ZNF718: variants seen among roughly 807,000 people sequenced by gnomAD.
ZNF718 encodes zinc finger protein 718.
A neutral mutation model predicts 2.6 loss-of-function variants in ZNF718; 3 were observed. That is an observed-to-expected ratio of 1.16 (90% CI 0.53 to 3.01). ZNF718 has a LOEUF of 3.01. ZNF718 is among the 30% of genes most tolerant of loss of function. ZNF718 has a pLI of 0.03. For missense variants in ZNF718, 468 were observed against 230.0 expected (o/e 2.03, Z -6.69); for synonymous variants, 135 against 77.9 (o/e 1.73, Z -3.86).
chr4:148,778 A>G (rs952504152), intron 3 of ZNF718, among the ~76,000 whole-genome samples: 10 of 152,172 alleles, frequency 6.6e-5, no homozygotes, highest in Non-Finnish European at 1.0e-4. Flanking sequence ...GATCACAGGC[A>G]GGACCAACAT....
chr4:182,495 A>G (rs1250871085), intron 3 of ZNF718, among the ~76,000 whole-genome samples: 1 of 151,986 alleles, frequency 6.6e-6, no homozygotes, highest in Non-Finnish European at 1.5e-5. Flanking sequence ...GTGCAGTGGC[A>G]TGATCTCGGT....
At chr4:145,567 A>T (rs1320854074) in intron 3 of ZNF718, among the ~76,000 whole-genome samples, 1 of 152,128 alleles carries the variant, frequency 6.6e-6, no homozygotes, top group Non-Finnish European at 1.5e-5. Flanking sequence ...GGCTCAAGCA[A>T]TCTTCCCACC....
chr4:182,402 TTATA>T lies in ZNF718; in HGVS notation c.227-18677_227-18674del, dbSNP rs782428343. Among the ~76,000 whole-genome samples the T allele has an allele frequency of 3.5e-3, 482 of 138,036 alleles. 1 individual carries two copies. The highest frequency in any genetic ancestry group is 4.3e-3 in the Admixed American group (55 of 12,754). 90.6% of individuals were successfully genotyped at this position (138,036 alleles called of 152,430 possible). ...ATCTCATTGTAGTTTTGATTTTGAT[TTATA>T]TTTATTTATTTATTTATTTATTTAT... is the stretch of plus-strand genomic sequence containing the variant. On this transcript the variant is annotated intron_variant and NMD_transcript_variant, in intron 3 of 4. Coordinates refer to the ZNF718 transcript ENST00000642529.
chr4:176,750 C>G (rs1368424286), intron 3 of ZNF718, among the ~76,000 whole-genome samples: 1 of 152,188 alleles, frequency 6.6e-6, no homozygotes, highest in African/African-American at 2.4e-5. Context: ...GAAAACCCTT[C>G]TCCCAGATAC....
rs781816741 is a variant in ZNF718, at chr4:162,064, T to G, written c.1379T>G (p.Phe460Cys). The G allele has an allele frequency of 3.4e-5, 26 of 775,856 alleles. No individual in the cohort carries two copies. The highest frequency in any genetic ancestry group is 5.8e-5 in the Non-Finnish European group (24 of 415,672). The allele number at this position is 775,856 out of a possible 1,614,324, so 48.1% of individuals were successfully genotyped here. ...PYKCKECGKA[F>C]KQYSNLPQHK... The stretch of plus-strand genomic sequence containing the variant: ...AAATGTAAAGAATGCGGGAAAGCTT[T>G]TAAGCAGTACTCCAACCTTCCTCAA... Residue 460 changes from phenylalanine to cysteine, a missense_variant, in exon 4 of 4, where the codon TTT becomes TGT. Coordinates refer to ENST00000510175, the MANE Select transcript of ZNF718 (RefSeq NM_001039127.6).
At chr4:135,426 G>T (rs1259560276) in intron 3 of ZNF718, among the ~76,000 whole-genome samples, 1 of 151,792 alleles carries the variant, frequency 6.6e-6, no homozygotes. Context: ...TGAAAGGCAG[G>T]ACAGCTTAAG....
chr4:169,755 TG>T (rs1215264401), intron 3 of ZNF718, among the ~76,000 whole-genome samples: 1 of 152,176 alleles, frequency 6.6e-6, no homozygotes. Flanking sequence ...GCACGTGAGA[TG>T]GGTTTCCTGA....
rs1715312342 is a variant in ZNF718 at position 129,960 on chromosome 4, T to C, written c.4-828T>C. 3.8e-5 allele frequency among the ~76,000 whole-genome samples: 4 copies of C among 105,018 alleles called. 1 individual carries two copies. The highest frequency in any genetic ancestry group is 8.5e-5 in the Non-Finnish European group (4 of 46,916). 68.9% of individuals were successfully genotyped at this position (105,018 alleles called of 152,430 possible). A position where few individuals can be genotyped will look rare whatever the true frequency, so the allele number is the denominator to read the frequency against. On this transcript the variant is annotated intron_variant, in intron 1 of 3. Transcript: ENST00000510175. ...GCACATAGTACATGCTCTATAAAGA[T>C]TGCATTGATGCATATACACGTTTTT...
chr4:192,899 A>G (rs923855172), intron 3 of ZNF718, among the ~76,000 whole-genome samples: 2 of 152,210 alleles, frequency 1.3e-5, no homozygotes, highest in Admixed American at 6.5e-5. Context: ...GGCCCTGACT[A>G]TCTGCTTGAT....
intron 3 of ZNF718, among the ~76,000 whole-genome samples, chr4:197,732 C>G (rs1553822245): frequency 6.6e-6 from 1 of 152,118 alleles, no homozygotes; most frequent in Non-Finnish European, 1.5e-5. Context: ...TGCAGGAGTA[C>G]CTGGCAGGTG....
chr4:171,432 C>T (rs190637502), intron 3 of ZNF718, among the ~76,000 whole-genome samples: 47 of 151,818 alleles, frequency 3.1e-4, no homozygotes, highest in Non-Finnish European at 4.7e-4. Flanking sequence ...CTGTGCCCTG[C>T]CCCCCAGAGG....
chr4:159,322 C>T (rs1716722860), intron 3 of ZNF718, among the ~76,000 whole-genome samples: 1 of 152,094 alleles, frequency 6.6e-6, no homozygotes, highest in African/African-American at 2.4e-5. Flanking sequence ...AGGTCTGAGC[C>T]ACTGTGCCTG....
intron 3 of ZNF718, among the ~76,000 whole-genome samples, chr4:137,690 C>T (rs1412579697): frequency 6.6e-6 from 1 of 151,878 alleles, no homozygotes; most frequent in Non-Finnish European, 1.5e-5. Flanking sequence ...ATATTACTTA[C>T]TCTTTGTTGA....
At chr4:190,266 T>A (rs1553820962) in intron 3 of ZNF718, among the ~76,000 whole-genome samples, 1 of 151,688 alleles carries the variant, frequency 6.6e-6, no homozygotes, top group Non-Finnish European at 1.5e-5. Context: ...CCGCCTGTAC[T>A]AAAAATACAA....
intron 3 of ZNF718, among the ~76,000 whole-genome samples, chr4:142,452 A>T (rs565480347): frequency 6.6e-6 from 1 of 152,234 alleles, no homozygotes. Flanking sequence ...ACATTGCCTC[A>T]TAATCAGTCC....
intron 3 of ZNF718, among the ~76,000 whole-genome samples, chr4:152,029 T>C (rs1290428398): frequency 6.8e-6 from 1 of 147,706 alleles, no homozygotes; most frequent in Non-Finnish European, 1.5e-5. Context: ...TCATAGACAA[T>C]GTAAAGGATT....
chr4:151,440 A>G (rs954510298), intron 3 of ZNF718, among the ~76,000 whole-genome samples: 1 of 149,190 alleles, frequency 6.7e-6, no homozygotes, highest in African/African-American at 2.5e-5. Context: ...AATAACAGTC[A>G]TTCTCACTGG....
At chr4:174,333 A>G (rs1206489718) in intron 3 of ZNF718, among the ~76,000 whole-genome samples, 1 of 152,162 alleles carries the variant, frequency 6.6e-6, no homozygotes, top group East Asian at 1.9e-4. Flanking sequence ...ATCCTGCAAT[A>G]TGCTCACAAG....
chr4:202,180 A>C (rs1372279860), exon 5 of ZNF718: 4 of 152,230 alleles, frequency 2.6e-5, no homozygotes, highest in Non-Finnish European at 5.9e-5. Flanking sequence ...AACCTGTTTC[A>C]CTTGCTTCTC....
Sources: gnomAD v4.1 joint callset for allele counts (sites outside exome capture counted in the v4.1 genomes callset) on GRCh38, gnomAD v4.1.1 for gene constraint, MANE v1.5 for transcripts, NCBI Gene and HGNC (gene_info 2026-07-23, HGNC 2026-07-21) for gene names.